The following DYNC2LI1 variants were observed in gnomAD, a reference collection of about 807,000 sequenced individuals.
DYNC2LI1 encodes the protein dynein cytoplasmic 2 light intermediate chain 1.
In DYNC2LI1, 45 loss-of-function variants were observed where a neutral mutation model predicts 51.9. The observed-to-expected ratio is 0.87, with a 90% CI of 0.68 to 1.11. DYNC2LI1 has a LOEUF of 1.11. Ranked by LOEUF, DYNC2LI1 falls within the 50% of genes most tolerant of loss-of-function variation. DYNC2LI1 has a pLI of 0.00. For missense variants in DYNC2LI1, 490 were observed against 417.4 expected, an observed-to-expected ratio of 1.17 and a Z score of -1.51; for synonymous variants, 130 against 137.8, an observed-to-expected ratio of 0.94 and a Z score of 0.40.
At chr2:43,823,790 C>A in the DYNC2LI1 span, 13 of 1,148,432 alleles carry the variant, frequency 1.1e-5, no homozygotes, top group South Asian at 1.6e-5. Flanking sequence ...GAGAGGGAAC[C>A]TGGAGAGGGC....
intron 10 of DYNC2LI1, among the ~76,000 whole-genome samples, chr2:43,803,668 T>C (rs1285233289): frequency 1.3e-5 from 2 of 152,126 alleles, no homozygotes; most frequent in African/African-American, 2.4e-5. Context: ...TAAAATTGTA[T>C]AGAACTTAAT....
chr2:43,806,366 TG>T (rs2104719555), intron 12 of DYNC2LI1, among the ~76,000 whole-genome samples: 1 of 152,316 alleles, frequency 6.6e-6, no homozygotes, highest in Admixed American at 6.5e-5. Flanking sequence ...AGCTGTCAGC[TG>T]GGAGTAGGAG....
downstream of DYNC2LI1, among the ~76,000 whole-genome samples, chr2:43,814,292 T>A (rs1666677777): frequency 6.6e-6 from 1 of 152,226 alleles, no homozygotes; most frequent in Non-Finnish European, 1.5e-5. Flanking sequence ...GACAGGAGAC[T>A]AACTTGACTA....
the DYNC2LI1 span, among the ~76,000 whole-genome samples, chr2:43,815,731 G>A: frequency 6.6e-6 from 1 of 152,100 alleles, no homozygotes; most frequent in Non-Finnish European, 1.5e-5. Flanking sequence ...GGATGTGAAG[G>A]AACAGTGGGA....
downstream of DYNC2LI1, chr2:43,814,436 G>C: frequency 7.5e-7 from 1 of 1,324,946 alleles, no homozygotes; most frequent in Non-Finnish European, 1.1e-6. Context: ...TGCTTCCTCA[G>C]AGTAACATGC....
the DYNC2LI1 span, among the ~76,000 whole-genome samples, chr2:43,821,192 T>C: frequency 1.3e-5 from 2 of 152,224 alleles, no homozygotes; most frequent in Admixed American, 6.5e-5. Flanking sequence ...TGAAGTTTGC[T>C]TATGCTATCA....
intron 2 of DYNC2LI1, among the ~76,000 whole-genome samples, chr2:43,780,378 C>T (rs1226386237): frequency 6.6e-6 from 1 of 152,050 alleles, no homozygotes; most frequent in African/African-American, 2.4e-5. Context: ...AGATTCATGA[C>T]AGTAGCTGAA....
chr2:43,796,018 G>T (rs927963978), intron 7 of DYNC2LI1, 60 bp downstream of exon 7: 2 of 1,155,098 alleles, frequency 1.7e-6, no homozygotes, highest in Non-Finnish European at 2.5e-6. Context: ...TTTTTATGAG[G>T]GAGGTACAAA....
chr2:43,826,648 A>G, the DYNC2LI1 span: 3 of 1,417,138 alleles, frequency 2.1e-6, no homozygotes, highest in Non-Finnish European at 2.9e-6. Context: ...GTGGGAAGTA[A>G]ACATGTAAAC....
At chr2:43,804,549 G>T (rs1466589726) in intron 10 of DYNC2LI1, 93 bp from the exon 11 acceptor site, 4 of 798,896 alleles carry the variant, frequency 5.0e-6, no homozygotes, top group Non-Finnish European at 7.9e-6. Context: ...AGTGATCCGA[G>T]ATGTATACCT....
At chr2:43,828,147 G>A in the DYNC2LI1 span, 1 of 1,613,410 alleles carries the variant, frequency 6.2e-7, no homozygotes, top group Non-Finnish European at 8.5e-7. Context: ...GGAAGGCTGG[G>A]AGTCTCTGTG....
At chr2:43,825,352 C>T in the DYNC2LI1 span, among the ~76,000 whole-genome samples, 1 of 152,140 alleles carries the variant, frequency 6.6e-6, no homozygotes, top group Non-Finnish European at 1.5e-5. Context: ...AGTGAGTGAC[C>T]TCGGGCGAGC....
At chr2:43,793,993 A>G (rs1673915620) in intron 5 of DYNC2LI1, 1 of 154,554 alleles carries the variant, frequency 6.5e-6, no homozygotes, top group African/African-American at 2.4e-5. Context: ...ACATTATAAC[A>G]TCTTCTGGAG....
Position 43,805,147 on chromosome 2 carries a change from A to T in DYNC2LI1, c.901-7A>T. On this transcript the variant is annotated splice_polypyrimidine_tract_variant and splice_region_variant and intron_variant, in intron 11 of 12. Coordinates refer to ENST00000260605, the MANE Select transcript of DYNC2LI1 (RefSeq NM_016008.4). Reference sequence around the variant, plus strand: ...GCGTGAAGTGATTTTGAGATTTGTAATTTCAGAGTATTAACACGCTGAAAG... The same window carrying T: ...GCGTGAAGTGATTTTGAGATTTGTATTTTCAGAGTATTAACACGCTGAAAG... 6.3e-7 allele frequency: 1 copy of T among 1,587,734 alleles called. No individual in the cohort carries two copies. Among genetic ancestry groups the T allele is most frequent in the Non-Finnish European group, 8.6e-7 (1 of 1,161,582 alleles).
chr2:43,820,093 C>T, the DYNC2LI1 span: 1 of 1,613,780 alleles, frequency 6.2e-7, no homozygotes, highest in South Asian at 1.1e-5. Flanking sequence ...GGATGTAAGC[C>T]CAGCGTCCTA....
chr2:43,800,978 A>C, intron 9 of DYNC2LI1, 61 bp downstream of exon 9: 135 of 1,152,672 alleles, frequency 1.2e-4, no homozygotes, highest in Middle Eastern at 2.0e-4. Context: ...ATGTTGTCTC[A>C]TCTGATTATT....
chr2:43,791,131 G>C (rs1025706262), intron 5 of DYNC2LI1, among the ~76,000 whole-genome samples: 2 of 152,168 alleles, frequency 1.3e-5, no homozygotes, highest in African/African-American at 4.8e-5. Flanking sequence ...TGAGGCAGGA[G>C]GATTGCGTGA....
At chr2:43,804,898 TAAA>T (rs200696232) in intron 11 of DYNC2LI1, among the ~76,000 whole-genome samples, 159 bp downstream of exon 11, 4 of 144,478 alleles carry the variant, frequency 2.8e-5, no homozygotes, top group Admixed American at 6.9e-5. Context: ...CTGTGGGGGT[TAAA>T]AAAAAAAAAA....
the DYNC2LI1 span, among the ~76,000 whole-genome samples, chr2:43,821,981 G>A: frequency 0.78 from 118,072 of 151,986 alleles, 45,969 homozygotes; most frequent in East Asian, 0.93. Context: ...TCTACTCTGG[G>A]AACTTCCTCT....
Sources: gnomAD v4.1 joint callset for allele counts (sites outside exome capture counted in the v4.1 genomes callset) on GRCh38, gnomAD v4.1.1 for gene constraint, MANE v1.5 for transcripts, NCBI Gene and HGNC (gene_info 2026-07-23, HGNC 2026-07-21) for gene names.